PDE4D: variants seen among roughly 807,000 people sequenced by gnomAD.
The protein encoded by PDE4D is phosphodiesterase 4D.
PDE4D carries 24 observed loss-of-function variants against 87.4 expected under a neutral mutation model. The ratio of observed to expected loss-of-function variants is 0.27; its 90% CI spans 0.20 to 0.39. The LOEUF (loss-of-function observed/expected upper bound fraction) is 0.39. Ranked by LOEUF, PDE4D falls within the 10% of genes least tolerant of loss-of-function variation. PDE4D has a pLI of 1.00. For missense variants in PDE4D, 714 were observed against 1,041.0 expected (o/e 0.69, Z 4.32); for synonymous variants, 384 against 383.2 (o/e 1.00, Z -0.02).
At chr5:60,491,075 A>C (rs1749506497), upstream of PDE4D, 1 of 152,226 alleles carries the variant, frequency 6.6e-6, no homozygotes, top group Non-Finnish European at 1.5e-5. Flanking sequence ...TACCTAAGGA[A>C]ACCCTAGACC....
At chr5:59,944,367 G>C (rs1345335284) in intron 3 of PDE4D, among the ~76,000 whole-genome samples, 1 of 149,124 alleles carries the variant, frequency 6.7e-6, no homozygotes, top group African/African-American at 2.5e-5. Flanking sequence ...TTTTGTTTTT[G>C]TTCGTTTGTT....
At chr5:59,151,304 T>C (rs1472231117) in intron 5 of PDE4D, among the ~76,000 whole-genome samples, 2 of 152,056 alleles carry the variant, frequency 1.3e-5, no homozygotes, top group East Asian at 3.9e-4. Flanking sequence ...TTCAAGGAAA[T>C]GAATCTCTTC....
chr5:59,974,099 G>A (rs1000661258), intron 3 of PDE4D, among the ~76,000 whole-genome samples: 3 of 152,060 alleles, frequency 2.0e-5, no homozygotes, highest in Admixed American at 6.5e-5. Flanking sequence ...CAGTAACCCC[G>A]TTTACAGACG....
chr5:60,277,088 T>A (rs577475412), intron 1 of PDE4D, among the ~76,000 whole-genome samples: 1 of 152,048 alleles, frequency 6.6e-6, no homozygotes, highest in East Asian at 1.9e-4. Context: ...TTTAATTGTA[T>A]ACATTTAAGG....
At chr5:59,574,575 C>T (rs1481976875) in intron 1 of PDE4D, among the ~76,000 whole-genome samples, 1 of 152,122 alleles carries the variant, frequency 6.6e-6, no homozygotes, top group Non-Finnish European at 1.5e-5. Context: ...AGCTTTAAAG[C>T]ATGGGATCTT....
intron 5 of PDE4D, among the ~76,000 whole-genome samples, chr5:59,152,396 G>T (rs998524164): frequency 2.6e-5 from 4 of 152,092 alleles, no homozygotes; most frequent in Non-Finnish European, 4.4e-5. Context: ...TTATAATCAA[G>T]ATTTCTATGC....
chr5:60,230,146 A>G lies in PDE4D; in HGVS notation c.-89-44459T>C, dbSNP rs188722406. Reference sequence around the variant, plus strand: ...ATGCTTATTGTTGATTTTGTTTTCAATTAGCAATAAATTATGAAAGGCTTA... The same window carrying G: ...ATGCTTATTGTTGATTTTGTTTTCAGTTAGCAATAAATTATGAAAGGCTTA... On this transcript the variant is annotated intron_variant, in intron 1 of 16. Transcript: ENST00000502484. Among the ~76,000 whole-genome samples the G allele has an allele frequency of 3.3e-5, 5 of 152,262 alleles. No homozygotes were observed. In the East Asian group the frequency reaches 9.7e-4, roughly 30 times the overall value.
chr5:59,635,386 T>A (rs1832102493), intron 1 of PDE4D, among the ~76,000 whole-genome samples: 1 of 152,214 alleles, frequency 6.6e-6, no homozygotes. Flanking sequence ...TAACTCGTTT[T>A]ATGAGGCCAG....
intron 1 of PDE4D, among the ~76,000 whole-genome samples, chr5:60,442,446 G>T (rs944766073): frequency 2.0e-5 from 3 of 152,018 alleles, no homozygotes; most frequent in African/African-American, 7.2e-5. Context: ...GTCAGGGGGT[G>T]GGGGGACTAG....
intron 1 of PDE4D, among the ~76,000 whole-genome samples, chr5:60,206,701 A>G (rs1321737054): frequency 3.9e-5 from 6 of 152,236 alleles, no homozygotes; most frequent in Non-Finnish European, 8.8e-5. Flanking sequence ...ACATTTTACT[A>G]TCTATCCTAA....
chr5:60,434,040 G>A (rs1744571771), intron 1 of PDE4D, among the ~76,000 whole-genome samples: 1 of 151,826 alleles, frequency 6.6e-6, no homozygotes. Flanking sequence ...TTATCTATTA[G>A]AGCAAACTTA....
At chr5:59,072,215 G>GT (rs1371974093) in intron 5 of PDE4D, among the ~76,000 whole-genome samples, 2 of 152,018 alleles carry the variant, frequency 1.3e-5, no homozygotes, top group Non-Finnish European at 2.9e-5. Flanking sequence ...TTATCTTTGG[G>GT]TTTTTTCTCT....
intron 1 of PDE4D, among the ~76,000 whole-genome samples, chr5:60,186,701 CAT>C (rs1320178103): frequency 2.6e-5 from 4 of 152,086 alleles, no homozygotes; most frequent in African/African-American, 7.2e-5. Flanking sequence ...TCTCAAAAAA[CAT>C]GTGTCTGAGA....
chr5:60,466,718 C>G (rs1476926210), intron 1 of PDE4D, among the ~76,000 whole-genome samples: 1 of 152,162 alleles, frequency 6.6e-6, no homozygotes, highest in Non-Finnish European at 1.5e-5. Context: ...TCATTATCAA[C>G]TAGGATTGTC....
chr5:59,456,469 T>C (rs1215115077), intron 1 of PDE4D, among the ~76,000 whole-genome samples: 1 of 152,132 alleles, frequency 6.6e-6, no homozygotes, highest in African/African-American at 2.4e-5. Context: ...ATTAAACCTC[T>C]TTTTCTTCCC....
chr5:59,600,576 C>T (rs1438179831), intron 1 of PDE4D, among the ~76,000 whole-genome samples: 1 of 152,146 alleles, frequency 6.6e-6, no homozygotes, highest in African/African-American at 2.4e-5. Flanking sequence ...CAACCAAAGG[C>T]ATCTTAACTT....
chr5:60,169,751 T>C (rs1440054356), intron 2 of PDE4D, among the ~76,000 whole-genome samples: 2 of 152,092 alleles, frequency 1.3e-5, no homozygotes, highest in African/African-American at 4.8e-5. Context: ...AAATAAACTA[T>C]TTTGGAATCC....
chr5:60,164,075 A>G (rs1407714955), intron 2 of PDE4D, among the ~76,000 whole-genome samples: 1 of 152,188 alleles, frequency 6.6e-6, no homozygotes, highest in Non-Finnish European at 1.5e-5. Flanking sequence ...ATAGCTATTT[A>G]TTCTTCATTT....
intron 2 of PDE4D, among the ~76,000 whole-genome samples, chr5:60,024,546 T>A (rs2152854999): frequency 6.6e-6 from 1 of 152,278 alleles, no homozygotes; most frequent in Admixed American, 6.5e-5. Context: ...GATACTGAGA[T>A]GAATTCAGAA....
Sources: gnomAD v4.1 joint callset for allele counts (sites outside exome capture counted in the v4.1 genomes callset) on GRCh38, gnomAD v4.1.1 for gene constraint, MANE v1.5 for transcripts, NCBI Gene and HGNC (gene_info 2026-07-23, HGNC 2026-07-21) for gene names.